The following NTM variants were observed in gnomAD, a reference collection of about 807,000 sequenced individuals.
NTM encodes IgLON family member 2.
Under a neutral mutation model 42.1 loss-of-function variants are expected in NTM, and 13 were observed. The ratio of observed to expected loss-of-function variants is 0.31; its 90% confidence interval spans 0.20 to 0.49. The LOEUF is 0.49. Ranked by LOEUF, NTM falls within the 20% of genes least tolerant of loss-of-function variation. The probability of loss-of-function intolerance (pLI) is 0.99; values close to 1 mark genes in which losing one functional copy is unlikely to be tolerated. For missense variants in NTM, 373 were observed against 452.8 expected, an observed-to-expected ratio of 0.82 and a Z score of 1.60; for synonymous variants, 187 against 179.2, an observed-to-expected ratio of 1.04 and a Z score of -0.35.
intron 1 of NTM, among the ~76,000 whole-genome samples, chr11:131,517,156 G>C (rs1275384084): frequency 6.6e-6 from 1 of 152,190 alleles, no homozygotes; most frequent in Non-Finnish European, 1.5e-5. Context: ...TGCAAGGTCT[G>C]AGCTGCTGAT....
chr11:132,265,379 C>T (rs1298670236), intron 4 of NTM, among the ~76,000 whole-genome samples: 5 of 152,158 alleles, frequency 3.3e-5, no homozygotes, highest in African/African-American at 1.2e-4. Context: ...AGATTTTGGG[C>T]AAATTACTTA....
chr11:131,711,070 G>C (rs530320671), intron 1 of NTM, among the ~76,000 whole-genome samples: 1 of 152,224 alleles, frequency 6.6e-6, no homozygotes, highest in African/African-American at 2.4e-5. Flanking sequence ...ATAGGCATGG[G>C]CAAGGACTTC....
intron 1 of NTM, among the ~76,000 whole-genome samples, chr11:131,879,086 G>A (rs901987630): frequency 1.3e-5 from 2 of 152,110 alleles, no homozygotes; most frequent in Non-Finnish European, 2.9e-5. Flanking sequence ...GGAACACACT[G>A]AATTCAGTTA....
At position 131,691,565 on chromosome 11, in the gene NTM, C is replaced by CA. The variant is rs1555086566; in HGVS notation, c.83-219999_83-219998insA. On this transcript the variant is annotated intron_variant, in intron 1 of 8. Transcript: ENST00000683400. ...CCCTTGTCTTCCCTGAAAGCCCCCC[C>CA]CCGACTTCCCTTCCATGTCCTTCAC... 4.1e-3 allele frequency among the ~76,000 whole-genome samples: 626 copies of CA among 152,256 alleles called. 5 individuals are homozygous for CA. Among genetic ancestry groups the CA allele is most frequent in the African/African-American group, 0.014 (593 of 41,546 alleles).
At chr11:132,052,693 C>G (rs1258878533) in intron 2 of NTM, among the ~76,000 whole-genome samples, 1 of 152,140 alleles carries the variant, frequency 6.6e-6, no homozygotes, top group African/African-American at 2.4e-5. Flanking sequence ...GGGATTCCCT[C>G]ATTCTCCCTT....
rs117410849 is a variant in NTM at position 131,976,334 on chromosome 11, T to G, written c.167+64686T>G. ...GTTCTGATTATTCTTGCTCCTGTTTTGCCTTGGCCACCAGTTGGCCAGGTC... is the reference window on the plus strand; with the variant it reads ...GTTCTGATTATTCTTGCTCCTGTTTGGCCTTGGCCACCAGTTGGCCAGGTC... On this transcript the variant is annotated intron_variant, in intron 2 of 8. Coordinates refer to ENST00000683400, the MANE Select transcript of NTM (RefSeq NM_001352005.2). Among the ~76,000 whole-genome samples the G allele has an allele frequency of 6.0e-3, 921 of 152,296 alleles. 5 individuals carry two copies. Among genetic ancestry groups the G allele is most frequent in the Non-Finnish European group, 9.1e-3 (619 of 68,020 alleles).
chr11:131,875,315 A>G (rs566795153), intron 1 of NTM, among the ~76,000 whole-genome samples: 1 of 152,344 alleles, frequency 6.6e-6, no homozygotes, highest in South Asian at 2.1e-4. Flanking sequence ...ACTGCTTATA[A>G]TATTTGGTGA....
intron 1 of NTM, among the ~76,000 whole-genome samples, chr11:131,371,781 C>T (rs1449640196): frequency 6.6e-6 from 1 of 152,152 alleles, no homozygotes; most frequent in Non-Finnish European, 1.5e-5. Context: ...CTTGCTCCCA[C>T]CTGCCCTGTC....
At chr11:131,741,688 A>T (rs1280113762) in intron 1 of NTM, among the ~76,000 whole-genome samples, 1 of 152,238 alleles carries the variant, frequency 6.6e-6, no homozygotes, top group Non-Finnish European at 1.5e-5. Context: ...GAATATATAA[A>T]TAAAGGATGG....
chr11:131,458,995 T>C (rs1036784585), intron 1 of NTM, among the ~76,000 whole-genome samples: 12 of 152,260 alleles, frequency 7.9e-5, no homozygotes, highest in Admixed American at 3.9e-4. Flanking sequence ...TCATGTCCAT[T>C]ACTTGGCTTC....
chr11:132,170,476 T>A (rs934595692), intron 3 of NTM, among the ~76,000 whole-genome samples: 1 of 152,244 alleles, frequency 6.6e-6, no homozygotes, highest in Non-Finnish European at 1.5e-5. Flanking sequence ...AATATCTACC[T>A]CTTGGTTACT....
At chr11:132,215,401 G>A (rs572017298) in intron 4 of NTM, among the ~76,000 whole-genome samples, 4 of 151,882 alleles carry the variant, frequency 2.6e-5, no homozygotes, top group East Asian at 1.9e-4. Context: ...TGCTGCTTGC[G>A]ATAAACTTAT....
intron 2 of NTM, among the ~76,000 whole-genome samples, chr11:131,940,526 G>A (rs1394776110): frequency 6.6e-6 from 1 of 152,204 alleles, no homozygotes; most frequent in East Asian, 1.9e-4. Flanking sequence ...ATGACTGCCT[G>A]TCTTAGCAGA....
intron 3 of NTM, among the ~76,000 whole-genome samples, chr11:132,183,794 A>G (rs913780164): frequency 5.3e-5 from 8 of 152,006 alleles, no homozygotes; most frequent in Non-Finnish European, 1.2e-4. Flanking sequence ...TTAGGCCATC[A>G]CTAGATTTTT....
intron 2 of NTM, among the ~76,000 whole-genome samples, chr11:132,144,362 G>T (rs2069867676): frequency 6.6e-6 from 1 of 152,204 alleles, no homozygotes; most frequent in Admixed American, 6.5e-5. Flanking sequence ...GCACCGTAAA[G>T]CTTGAGAAAC....
intron 1 of NTM, among the ~76,000 whole-genome samples, chr11:131,529,636 T>C (rs915207083): frequency 1.3e-5 from 2 of 152,102 alleles, no homozygotes; most frequent in Non-Finnish European, 2.9e-5. Flanking sequence ...GCTCGGTGCA[T>C]GTGTTGGTTT....
intron 2 of NTM, among the ~76,000 whole-genome samples, chr11:132,087,674 C>T (rs1017655760): frequency 1.3e-5 from 2 of 151,990 alleles, no homozygotes; most frequent in African/African-American, 2.4e-5. Flanking sequence ...TAATAAGATG[C>T]TTTTCAAGAA....
At chr11:131,531,476 C>T (rs556012057) in intron 1 of NTM, among the ~76,000 whole-genome samples, 50 of 152,268 alleles carry the variant, frequency 3.3e-4, no homozygotes, top group African/African-American at 1.2e-3. Flanking sequence ...CTAAGTGTGT[C>T]AGATGTCATT....
chr11:131,578,210 G>T (rs1217067483), intron 1 of NTM, among the ~76,000 whole-genome samples: 1 of 152,142 alleles, frequency 6.6e-6, no homozygotes, highest in Non-Finnish European at 1.5e-5. Context: ...TTGTCAGGCT[G>T]ACAGAATGGG....
Sources: gnomAD v4.1 joint callset for allele counts (sites outside exome capture counted in the v4.1 genomes callset) on GRCh38, gnomAD v4.1.1 for gene constraint, MANE v1.5 for transcripts, NCBI Gene and HGNC (gene_info 2026-07-23, HGNC 2026-07-21) for gene names.